FAM114A2: variants seen among roughly 807,000 people sequenced by gnomAD.
The protein encoded by FAM114A2 is protein FAM114A2.
Under a neutral mutation model 58.4 loss-of-function variants are expected in FAM114A2, and 53 were observed. The observed-to-expected ratio is 0.91, with a 90% CI of 0.73 to 1.14. FAM114A2 has a LOEUF of 1.14. FAM114A2 is among the 50% of genes most tolerant of loss of function. The probability of loss-of-function intolerance (pLI) is 0.00; values close to 1 mark genes in which losing one functional copy is unlikely to be tolerated. For synonymous variants in FAM114A2, 228 were observed against 211.4 expected (o/e 1.08, Z -0.68); for missense variants, 601 against 581.1 (o/e 1.03, Z -0.35).
chr5:154,025,607 T>G (rs903572689), intron 8 of FAM114A2, among the ~76,000 whole-genome samples: 4 of 152,132 alleles, frequency 2.6e-5, no homozygotes, highest in African/African-American at 9.7e-5. Context: ...TATGTCTTAA[T>G]GAAACCTGAG....
At chr5:154,014,860 T>C (rs891295180) in intron 8 of FAM114A2, among the ~76,000 whole-genome samples, 1 of 151,956 alleles carries the variant, frequency 6.6e-6, no homozygotes. Flanking sequence ...AGGGGAAAAA[T>C]GAAAGTCCTA....
intron 9 of FAM114A2, among the ~76,000 whole-genome samples, chr5:154,010,180 G>T (rs1234312082): frequency 6.6e-6 from 1 of 152,066 alleles, no homozygotes; most frequent in African/African-American, 2.4e-5. Flanking sequence ...CACAGAGAAA[G>T]AACACATGTG....
At chr5:154,007,824 C>A (rs116362837) in intron 9 of FAM114A2, among the ~76,000 whole-genome samples, 170 of 152,256 alleles carry the variant, frequency 1.1e-3, no homozygotes, top group African/African-American at 4.0e-3. Flanking sequence ...ATGAGCCAGG[C>A]CCTTTGTAAG....
At chr5:153,995,801 A>G (rs938568617) in intron 12 of FAM114A2, among the ~76,000 whole-genome samples, 19 of 152,252 alleles carry the variant, frequency 1.2e-4, no homozygotes, top group Non-Finnish European at 1.8e-4. Context: ...TACAATTCCA[A>G]TTTTTAAAAT....
chr5:154,033,884 C>T lies in FAM114A2; in HGVS notation c.311-1G>A. On this transcript the variant is annotated splice_acceptor_variant, in intron 3 of 13. Coordinates refer to ENST00000351797, the MANE Select transcript of FAM114A2 (RefSeq NM_018691.4). LOFTEE classifies it high-confidence loss of function. ...TCGATGACATTTGAAATGCCTTGTC[C>T]TAATGAGAAAAATAACTTTTTTTTT... The T allele has an allele frequency of 6.3e-7, 1 of 1,586,770 alleles. No individual in the cohort carries two copies. The highest frequency in any genetic ancestry group is 8.6e-7 in the Non-Finnish European group (1 of 1,162,402).
chr5:154,000,320 AT>A (rs1267675516), intron 11 of FAM114A2, among the ~76,000 whole-genome samples: 17 of 152,340 alleles, frequency 1.1e-4, no homozygotes, highest in African/African-American at 3.4e-4. Context: ...CTTAGCAATA[AT>A]ATTTTGTATA....
chr5:153,995,821 ACTTTAG>A (rs1349543443), intron 12 of FAM114A2, among the ~76,000 whole-genome samples: 1 of 152,082 alleles, frequency 6.6e-6, no homozygotes, highest in Non-Finnish European at 1.5e-5. Context: ...TCCCCAAAAG[ACTTTAG>A]CTTTAACTAC....
intron 4 of FAM114A2, among the ~76,000 whole-genome samples, chr5:154,032,997 G>T (rs1187894779): frequency 6.6e-6 from 1 of 152,206 alleles, no homozygotes; most frequent in Non-Finnish European, 1.5e-5. Flanking sequence ...TTGCAGCCAT[G>T]TTTATACATG....
intron 8 of FAM114A2, among the ~76,000 whole-genome samples, chr5:154,024,111 A>G (rs1771622146): frequency 6.6e-6 from 1 of 152,190 alleles, no homozygotes; most frequent in Admixed American, 6.5e-5. Flanking sequence ...GAACAGATAA[A>G]TGAACAGAAA....
intron 8 of FAM114A2, among the ~76,000 whole-genome samples, chr5:154,013,657 A>C (rs1770841565): frequency 6.6e-6 from 1 of 152,254 alleles, no homozygotes; most frequent in African/African-American, 2.4e-5. Context: ...GCAAAGCCAG[A>C]TGTTGAGTAA....
intron 4 of FAM114A2, among the ~76,000 whole-genome samples, chr5:154,032,763 A>T (rs1772287367): frequency 6.6e-6 from 1 of 152,238 alleles, no homozygotes; most frequent in Non-Finnish European, 1.5e-5. Flanking sequence ...GGACAACCAT[A>T]AAGAAACTAT....
At chr5:153,996,560 T>A in intron 12 of FAM114A2, among the ~76,000 whole-genome samples, 1 of 107,364 alleles carries the variant, frequency 9.3e-6, no homozygotes, top group Non-Finnish European at 1.9e-5. Flanking sequence ...AAACTTGTAC[T>A]AGGAAAATTA....
At chr5:153,995,446 T>C (rs1339219604) in intron 12 of FAM114A2, 2 of 152,360 alleles carry the variant, frequency 1.3e-5, no homozygotes, top group South Asian at 4.1e-4. Context: ...CTTGTAAGAT[T>C]AACTTCAGGA....
chr5:153,991,268 A>G lies in FAM114A2; in HGVS notation c.*1708T>C, dbSNP rs890178239. ...TTCTTGAAAGAAAAACCTTAAATAC[A>G]TTTCTAGGTTAAGGATTTAAAGCTG... On this transcript the variant is annotated 3_prime_UTR_variant, in exon 14 of 14. Transcript: ENST00000351797. The G allele has an allele frequency of 6.6e-6, 1 of 152,176 alleles. No individual in the cohort carries two copies. Among genetic ancestry groups the G allele is most frequent in the Non-Finnish European group, 1.5e-5 (1 of 68,026 alleles). 9.4% of individuals were successfully genotyped at this position (152,176 alleles called of 1,614,324 possible). A position where few individuals can be genotyped will look rare whatever the true frequency, so the allele number is the denominator to read the frequency against.
intron 1 of FAM114A2, chr5:154,036,214 A>T (rs1772546652): frequency 6.6e-6 from 1 of 152,178 alleles, no homozygotes; most frequent in Non-Finnish European, 1.5e-5. Flanking sequence ...TGTCCTTAAA[A>T]ATCTTACTAG....
At chr5:153,997,939 C>T in intron 11 of FAM114A2, 64 bp from the exon 12 acceptor site, 1 of 996,128 alleles carries the variant, frequency 1.0e-6, no homozygotes, top group Non-Finnish European at 1.6e-6. Flanking sequence ...TTATATTTAA[C>T]AATTGTCAGA....
rs1770080374 is a variant in FAM114A2 at position 154,002,835 on chromosome 5, T to C, written c.1116+12A>G. On this transcript the variant is annotated intron_variant, in intron 10 of 13. Coordinates refer to ENST00000351797, the MANE Select transcript of FAM114A2 (RefSeq NM_018691.4). ...CTAAAACAAACAAAAAAGGCTTAGT[T>C]GCTTTGGCTACCTCTATTGAATTTT... 1 of 1,613,800 alleles carries C rather than the reference T, an allele frequency of 6.2e-7. No individual in the cohort carries two copies.
intron 8 of FAM114A2, 136 bp downstream of exon 8, chr5:154,026,263 G>T (rs1398451297): frequency 1.0e-5 from 6 of 594,738 alleles, no homozygotes; most frequent in Middle Eastern, 4.4e-4. Context: ...TTTACACAGA[G>T]AATTTGCATA....
At chr5:154,021,047 A>G (rs1771382734) in intron 8 of FAM114A2, among the ~76,000 whole-genome samples, 1 of 152,224 alleles carries the variant, frequency 6.6e-6, no homozygotes, top group Non-Finnish European at 1.5e-5. Context: ...GACAAAAACC[A>G]CATGATTATC....
Sources: gnomAD v4.1 joint callset for allele counts (sites outside exome capture counted in the v4.1 genomes callset) on GRCh38, gnomAD v4.1.1 for gene constraint, MANE v1.5 for transcripts, NCBI Gene and HGNC (gene_info 2026-07-23, HGNC 2026-07-21) for gene names.